Variants in CADM2 observed in about 807,000 individuals in gnomAD.
CADM2 encodes cell adhesion molecule 2, also known as immunoglobulin superfamily member 4D.
A neutral mutation model predicts 49.8 loss-of-function variants in CADM2; 12 were observed. The ratio of observed to expected loss-of-function variants is 0.24; its 90% confidence interval spans 0.15 to 0.39. CADM2 has a LOEUF of 0.39. Among genes scored for constraint, CADM2 ranks in the 10% least tolerant of loss-of-function variants. The pLI is 1.00. For missense variants in CADM2, 378 were observed against 492.3 expected, an observed-to-expected ratio of 0.77 and a Z score of 2.20; for synonymous variants, 214 against 175.4, an observed-to-expected ratio of 1.22 and a Z score of -1.74.
chr3:85,254,780 A>T (rs2042848303), intron 1 of CADM2, among the ~76,000 whole-genome samples: 1 of 152,052 alleles, frequency 6.6e-6, no homozygotes, highest in African/African-American at 2.4e-5. Context: ...GTGAGTGGAA[A>T]GGGCTGTATG....
chr3:85,791,371 A>G (rs768671557), intron 2 of CADM2, among the ~76,000 whole-genome samples: 3 of 152,156 alleles, frequency 2.0e-5, no homozygotes, highest in Admixed American at 1.3e-4. Flanking sequence ...AATTTAGTGG[A>G]AGTAATAGCA....
intron 7 of CADM2, among the ~76,000 whole-genome samples, chr3:85,947,786 G>A (rs537691964): frequency 3.3e-5 from 5 of 151,574 alleles, no homozygotes; most frequent in South Asian, 2.1e-4. Context: ...GGGCATCTGC[G>A]GTGTGTTGGG....
intron 2 of CADM2, among the ~76,000 whole-genome samples, chr3:85,761,530 C>A (rs1043750338): frequency 6.6e-6 from 1 of 151,792 alleles, no homozygotes; most frequent in Non-Finnish European, 1.5e-5. Flanking sequence ...GCGTGTGCCA[C>A]CATGCCCAGC....
chr3:86,016,985 A>T (rs1196438992), intron 8 of CADM2, among the ~76,000 whole-genome samples: 1 of 152,022 alleles, frequency 6.6e-6, no homozygotes, highest in Non-Finnish European at 1.5e-5. Context: ...TTGTTTCAAA[A>T]GAAGAAAATC....
intron 1 of CADM2, among the ~76,000 whole-genome samples, chr3:85,370,637 A>G (rs548259927): frequency 3.3e-5 from 5 of 152,274 alleles, no homozygotes; most frequent in African/African-American, 1.2e-4. Context: ...ATAGTAAACA[A>G]CTATGTTATT....
intron 1 of CADM2, among the ~76,000 whole-genome samples, chr3:85,689,684 C>T (rs1006797331): frequency 5.9e-5 from 9 of 152,014 alleles, no homozygotes; most frequent in African/African-American, 2.2e-4. Flanking sequence ...TTAGGAATTT[C>T]TAAGGTGTGG....
chr3:86,061,995 G>GGC (rs1559832399), intron 8 of CADM2, among the ~76,000 whole-genome samples: 1 of 149,600 alleles, frequency 6.7e-6, no homozygotes, highest in Admixed American at 6.7e-5. Context: ...GTGGGGGGGG[G>GGC]GTTGAATTTG....
intron 4 of CADM2, among the ~76,000 whole-genome samples, chr3:85,885,851 C>A (rs1342338990): frequency 3.6e-3 from 329 of 91,212 alleles, no homozygotes; most frequent in Non-Finnish European, 4.9e-3. Context: ...GATCCTGTCT[C>A]AAAAAAAAAA....
At chr3:85,738,170 TGATTCAC>T (rs1251848378) in intron 2 of CADM2, among the ~76,000 whole-genome samples, 2 of 35,188 alleles carry the variant, frequency 5.7e-5, no homozygotes, top group African/African-American at 5.5e-4. Flanking sequence ...ATATTCACAA[TGATTCAC>T]AATGGCATAG....
intron 1 of CADM2, among the ~76,000 whole-genome samples, chr3:84,962,091 A>T (rs1575925880): frequency 1.3e-5 from 2 of 152,024 alleles, no homozygotes; most frequent in East Asian, 1.9e-4. Context: ...GTGTGAGTAT[A>T]GCCGAGAAAA....
At chr3:86,006,733 C>T (rs942306339) in intron 8 of CADM2, among the ~76,000 whole-genome samples, 1 of 152,034 alleles carries the variant, frequency 6.6e-6, no homozygotes, top group African/African-American at 2.4e-5. Context: ...TTCTAGAGCA[C>T]TGGGTCTTAC....
chr3:85,007,664 A>G (rs2033799262), intron 1 of CADM2, among the ~76,000 whole-genome samples: 1 of 152,172 alleles, frequency 6.6e-6, no homozygotes, highest in South Asian at 2.1e-4. Context: ...GCAAATGAAG[A>G]GTTCTGAACA....
chr3:85,840,822 A>C (rs966609106), intron 3 of CADM2, among the ~76,000 whole-genome samples: 1 of 151,882 alleles, frequency 6.6e-6, no homozygotes, highest in Non-Finnish European at 1.5e-5. Context: ...AATTTATATG[A>C]AATGAAACAT....
chr3:86,054,492 C>G (rs1206915325), intron 8 of CADM2, among the ~76,000 whole-genome samples: 1 of 151,920 alleles, frequency 6.6e-6, no homozygotes, highest in African/African-American at 2.4e-5. Context: ...TGATTCTACC[C>G]CATTTAAGTG....
chr3:84,994,554 C>G (rs1188212712), intron 1 of CADM2, among the ~76,000 whole-genome samples: 1 of 151,924 alleles, frequency 6.6e-6, no homozygotes, highest in Non-Finnish European at 1.5e-5. Flanking sequence ...TAGAGTGTTT[C>G]TTTGTCTTCT....
intron 1 of CADM2, among the ~76,000 whole-genome samples, chr3:85,352,570 T>A (rs1256349393): frequency 1.3e-5 from 2 of 152,104 alleles, no homozygotes; most frequent in Non-Finnish European, 2.9e-5. Flanking sequence ...TTTACTTTGG[T>A]TTATCTCAGA....
chr3:85,907,410 A>G (rs1397212684), intron 5 of CADM2, among the ~76,000 whole-genome samples: 1 of 152,156 alleles, frequency 6.6e-6, no homozygotes, highest in African/African-American at 2.4e-5. Context: ...CAAGGCCCAT[A>G]TAGGAAATGT....
At chr3:84,960,979 T>C (rs986202679) in intron 1 of CADM2, among the ~76,000 whole-genome samples, 4 of 152,126 alleles carry the variant, frequency 2.6e-5, no homozygotes, top group Non-Finnish European at 5.9e-5. Context: ...TGTGAAATGA[T>C]GATTGATAGA....
rs183033206 is a variant in CADM2, at chr3:85,917,699, G to C, written c.700+5156G>C. Among the ~76,000 whole-genome samples, 827 of 152,254 alleles carry C rather than the reference G, an allele frequency of 5.4e-3. 4 individuals carry two copies. The highest frequency in any genetic ancestry group is 7.8e-3 in the Non-Finnish European group (533 of 68,022). On this transcript the variant is annotated intron_variant, in intron 6 of 9. Coordinates refer to ENST00000383699, the MANE Select transcript of CADM2 (RefSeq NM_001167675.2). ...CTTTAAAGTAGCTTTTTCCAATTCT[G>C]TGAAGAAAGTCATTGGTAGCTTGAT... is the stretch of plus-strand genomic sequence containing the variant.
Sources: allele counts gnomAD v4.1 joint callset (sites outside exome capture counted in the v4.1 genomes callset), GRCh38; gene constraint gnomAD v4.1.1; transcripts MANE v1.5; gene names NCBI Gene and HGNC (gene_info 2026-07-23, HGNC 2026-07-21).